The following SAG variants were observed in gnomAD, a reference collection of about 807,000 sequenced individuals.
SAG encodes S-antigen visual arrestin, also known as S-arrestin.
Under a neutral mutation model 55.0 loss-of-function variants are expected in SAG, and 45 were observed. The observed-to-expected ratio is 0.82, with a 90% CI of 0.64 to 1.05. The LOEUF is 1.05. Ranked by LOEUF, SAG falls within the 50% of genes least tolerant of loss-of-function variation. The pLI is 0.00. For synonymous variants in SAG, 189 were observed against 197.4 expected (o/e 0.96, Z 0.36); for missense variants, 455 against 512.1 (o/e 0.89, Z 1.08).
chr2:233,336,720 G>A (rs1272673708), intron 11 of SAG, among the ~76,000 whole-genome samples: 1 of 152,108 alleles, frequency 6.6e-6, no homozygotes, highest in Non-Finnish European at 1.5e-5. Context: ...AGATGCCAGG[G>A]GTTCTGACTT....
intron 3 of SAG, among the ~76,000 whole-genome samples, chr2:233,318,029 A>G (rs967048562): frequency 6.6e-6 from 1 of 152,204 alleles, no homozygotes; most frequent in Non-Finnish European, 1.5e-5. Flanking sequence ...GCTGGAGTGC[A>G]GTGGCACAGT....
chr2:233,319,619 C>T lies in SAG; in HGVS notation c.181+824C>T, dbSNP rs1022784056. 9.1e-6 allele frequency: 9 copies of T among 986,820 alleles called. No homozygotes were observed. Among genetic ancestry groups the T allele is most frequent in the East Asian group, 1.1e-4 (1 of 8,806 alleles). 61.1% of individuals were successfully genotyped at this position (986,820 alleles called of 1,614,324 possible). On this transcript the variant is annotated intron_variant, in intron 4 of 15. Coordinates refer to ENST00000409110, the MANE Select transcript of SAG (RefSeq NM_000541.5). This position sits in a 1 kb window ranked among gnomAD's most constrained non-coding sequence, Gnocchi z 4.4. ...GGCATGGCTGAAATGGGGCCCCAAACGGCCCCCTCTGTCCTCTCCACCTTC... is the reference window on the plus strand; with the variant it reads ...GGCATGGCTGAAATGGGGCCCCAAATGGCCCCCTCTGTCCTCTCCACCTTC...
intron 5 of SAG, among the ~76,000 whole-genome samples, chr2:233,322,503 A>G (rs1700419824): frequency 6.6e-6 from 1 of 152,222 alleles, no homozygotes. Context: ...CTTCTCACAT[A>G]TACATATTTG....
At chr2:233,308,785 T>G (rs1435290676) in intron 1 of SAG, among the ~76,000 whole-genome samples, 2 of 152,170 alleles carry the variant, frequency 1.3e-5, no homozygotes, top group Admixed American at 6.6e-5. Context: ...TTTCAGGAAC[T>G]TTTCTGATTT....
chr2:233,336,515 G>GA (rs1393539820), intron 11 of SAG, among the ~76,000 whole-genome samples: 9,948 of 133,548 alleles, frequency 0.074, 442 homozygotes, highest in African/African-American at 0.14. Context: ...CTCCATCTCA[G>GA]AAAAAAAAAA....
At chr2:233,339,396 A>G (rs1405806199) in intron 12 of SAG, among the ~76,000 whole-genome samples, 2 of 152,254 alleles carry the variant, frequency 1.3e-5, no homozygotes, top group Non-Finnish European at 2.9e-5. Context: ...TAGTTCTGCC[A>G]TCAAAGGCAA....
At chr2:233,327,722 T>G (rs1436797511) in intron 7 of SAG, 1 of 152,262 alleles carries the variant, frequency 6.6e-6, no homozygotes, top group Non-Finnish European at 1.5e-5. Context: ...TTTTTTTTTT[T>G]GTATTTTTAG....
In SAG at chr2:233,328,208, C is replaced by T. The variant is rs577431798; in HGVS notation, c.513-270C>T. The T allele has an allele frequency of 1.9e-4, 72 of 371,738 alleles. No homozygotes were observed. The East Asian group carries it at 3.0e-3, about 15-fold the overall frequency. 23.0% of individuals were successfully genotyped at this position (371,738 alleles called of 1,614,324 possible). On this transcript the variant is annotated intron_variant, in intron 7 of 15. Transcript: ENST00000409110. ...GACAGGAGGCAGAGCTGGGAATCCA[C>T]GGAGCCTAAGGGGCTAAGCTTGGCC...
chr2:233,320,597 C>G, intron 4 of SAG, 33 bp from the exon 5 acceptor site: 5 of 1,529,146 alleles, frequency 3.3e-6, no homozygotes, highest in South Asian at 2.5e-5. Context: ...AGGCCGAGGG[C>G]CAAGTCCGAC....
intron 9 of SAG, among the ~76,000 whole-genome samples, chr2:233,330,170 T>G (rs1470271230): frequency 1.3e-5 from 2 of 152,072 alleles, no homozygotes; most frequent in Non-Finnish European, 2.9e-5. Flanking sequence ...TATATAATGG[T>G]CTTATTTGGC....
intron 2 of SAG, 74 bp downstream of exon 2, chr2:233,309,338 T>A: frequency 7.5e-7 from 1 of 1,338,544 alleles, no homozygotes; most frequent in Non-Finnish European, 1.1e-6. Context: ...AAGTACAGTG[T>A]AGTCATGATC....
intron 11 of SAG, among the ~76,000 whole-genome samples, chr2:233,336,361 A>C (rs1178442107): frequency 2.6e-5 from 4 of 152,122 alleles, no homozygotes; most frequent in Non-Finnish European, 4.4e-5. Context: ...CTGAAAATAC[A>C]AAAATTAGCC....
At chr2:233,312,505 GC>G (rs548658062) in intron 2 of SAG, among the ~76,000 whole-genome samples, 77 of 152,308 alleles carry the variant, frequency 5.1e-4, no homozygotes, top group Admixed American at 9.2e-4. Flanking sequence ...CACTCGAAAT[GC>G]TATTTAATTC....
intron 13 of SAG, among the ~76,000 whole-genome samples, chr2:233,341,207 G>A (rs969712993): frequency 6.6e-6 from 1 of 152,154 alleles, no homozygotes; most frequent in African/African-American, 2.4e-5. Context: ...GCAGTGGCAT[G>A]ATCTTGGCTC....
At chr2:233,317,079 C>G (rs182417787) in intron 3 of SAG, among the ~76,000 whole-genome samples, 1 of 152,160 alleles carries the variant, frequency 6.6e-6, no homozygotes, top group Non-Finnish European at 1.5e-5. Flanking sequence ...CCAGGCTGGT[C>G]TTGAACTCCT....
intron 13 of SAG, 25 bp from the exon 14 acceptor site, chr2:233,342,246 A>C: frequency 1.3e-6 from 2 of 1,579,778 alleles, no homozygotes; most frequent in Non-Finnish European, 1.7e-6. Context: ...GGGTGTTCAC[A>C]CCAATCTTCA....
chr2:233,341,641 G>A (rs2125351954), intron 13 of SAG, among the ~76,000 whole-genome samples: 1 of 152,246 alleles, frequency 6.6e-6, no homozygotes, highest in African/African-American at 2.4e-5. Flanking sequence ...ATCCAGAACA[G>A]GCAAATCTAT....
intron 2 of SAG, among the ~76,000 whole-genome samples, chr2:233,312,771 C>T (rs188966530): frequency 1.0e-3 from 155 of 152,326 alleles, no homozygotes; most frequent in African/African-American, 3.5e-3. Flanking sequence ...TGTCCTCTGG[C>T]TATGCCATTT....
At chr2:233,331,592 T>G in intron 9 of SAG, 48 bp from the exon 10 acceptor site, 1 of 1,221,216 alleles carries the variant, frequency 8.2e-7, no homozygotes, top group Non-Finnish European at 1.2e-6. Flanking sequence ...AAAGTGCACG[T>G]GTTGGGGGAC....
Sources: allele counts gnomAD v4.1 joint callset (sites outside exome capture counted in the v4.1 genomes callset), GRCh38; gene constraint gnomAD v4.1.1; non-coding constraint Gnocchi (gnomAD v3.1); transcripts MANE v1.5; gene names NCBI Gene and HGNC (gene_info 2026-07-23, HGNC 2026-07-21).